TEX11: variants seen among roughly 807,000 people sequenced by gnomAD.
The protein encoded by TEX11 is testis-expressed protein 11.
Under a neutral mutation model 84.4 loss-of-function variants are expected in TEX11, and 7 were observed. The observed-to-expected ratio is 0.08, with a 90% CI of 0.05 to 0.16. TEX11 has a LOEUF of 0.16. Among genes scored for constraint, TEX11 ranks in the 10% least tolerant of loss-of-function variants. The probability of loss-of-function intolerance (pLI) is 1.00; values close to 1 mark genes in which losing one functional copy is unlikely to be tolerated. For missense variants in TEX11, 551 were observed against 660.5 expected (o/e 0.83, Z 1.82); for synonymous variants, 264 against 222.8 (o/e 1.18, Z -1.64).
chrX:70,684,160 A>G (rs753015059), intron 13 of TEX11, among the ~76,000 whole-genome samples: 2 of 112,693 alleles, frequency 1.8e-5, no homozygotes, highest in African/African-American at 3.2e-5. Context: ...AACTCTAAGA[A>G]CTAATAAATT....
intron 13 of TEX11, among the ~76,000 whole-genome samples, chrX:70,712,175 C>A (rs2090442627): frequency 9.0e-6 from 1 of 111,456 alleles, no homozygotes; most frequent in South Asian, 3.8e-4. Flanking sequence ...CAGTACTATG[C>A]TGTTTTGGTT....
At chrX:70,565,564 G>T (rs7892546) in intron 25 of TEX11, among the ~76,000 whole-genome samples, 9,175 of 110,646 alleles carry the variant, frequency 0.083, 903 homozygotes, top group African/African-American at 0.27. Context: ...TTAATCCATC[G>T]TGAATTGATT....
chrX:70,517,130 T>C, the TEX11 span, among the ~76,000 whole-genome samples: 1 of 111,582 alleles, frequency 9.0e-6, no homozygotes, highest in Non-Finnish European at 1.9e-5. Context: ...TCTTCCCTGA[T>C]TGCCCTGGCC....
intron 7 of TEX11, among the ~76,000 whole-genome samples, chrX:70,840,487 C>T (rs1175418622): frequency 8.9e-6 from 1 of 111,852 alleles, no homozygotes; most frequent in Admixed American, 9.5e-5. Context: ...AAGCGCTAAA[C>T]ATGGAAAGGA....
intron 13 of TEX11, among the ~76,000 whole-genome samples, chrX:70,708,811 G>A (rs1019364859): frequency 2.7e-5 from 3 of 110,027 alleles, no homozygotes; most frequent in African/African-American, 9.9e-5. Flanking sequence ...GAGAGGTGAA[G>A]GGCATGTGGG....
chrX:70,871,889 T>C (rs768403253), intron 4 of TEX11, among the ~76,000 whole-genome samples: 149 of 103,898 alleles, frequency 1.4e-3, no homozygotes, highest in African/African-American at 5.0e-3. Context: ...GCACCCCCCC[T>C]TTTTTTTAAC....
the TEX11 span, among the ~76,000 whole-genome samples, chrX:70,516,578 T>G: frequency 1.8e-5 from 2 of 111,864 alleles, no homozygotes; most frequent in Non-Finnish European, 3.8e-5. Context: ...TTGTTCTTTT[T>G]GCTTAGGATT....
intron 16 of TEX11, among the ~76,000 whole-genome samples, chrX:70,669,648 C>T (rs1230173254): frequency 8.9e-6 from 1 of 112,569 alleles, no homozygotes; most frequent in African/African-American, 3.2e-5. Flanking sequence ...TCAAAGAAAA[C>T]ATCTGGAATC....
At chrX:70,640,629 A>C (rs901058679) in intron 17 of TEX11, among the ~76,000 whole-genome samples, 1 of 109,255 alleles carries the variant, frequency 9.2e-6, no homozygotes, top group Non-Finnish European at 1.9e-5. Context: ...ATTCTTAAAG[A>C]AAAGAATTTT....
In TEX11 at chrX:70,725,256, T is replaced by C. The variant is rs2090590917; in HGVS notation, c.925+6A>G. 1.7e-6 allele frequency: 2 copies of C among 1,165,681 alleles called. No homozygotes were observed. Among genetic ancestry groups the C allele is most frequent in the Non-Finnish European group, 2.3e-6 (2 of 860,685 alleles). On this transcript the variant is annotated splice_donor_region_variant and intron_variant, in intron 12 of 29. Transcript: ENST00000374333. ...ATGGTGTGCTCTTCACATACAGAGA[T>C]CATACCTTCAAGGAGTTCTTCATTA...
chrX:70,666,981 A>G (rs1331128202), intron 16 of TEX11, among the ~76,000 whole-genome samples: 1 of 112,338 alleles, frequency 8.9e-6, no homozygotes, highest in Non-Finnish European at 1.9e-5. Flanking sequence ...ACTTATCAAT[A>G]TTTAATATAC....
chrX:70,720,541 A>T (rs1200076772), intron 13 of TEX11, among the ~76,000 whole-genome samples: 1 of 109,938 alleles, frequency 9.1e-6, no homozygotes, highest in Non-Finnish European at 1.9e-5. Flanking sequence ...TACTAAAAAA[A>T]AAAGAATATG....
intron 17 of TEX11, among the ~76,000 whole-genome samples, chrX:70,641,660 C>G (rs1275433854): frequency 3.6e-5 from 4 of 111,460 alleles, no homozygotes; most frequent in Non-Finnish European, 3.8e-5. Context: ...ACCTGCTCCT[C>G]AATGACTGCT....
At chrX:70,898,856 C>T (rs1009091770) in intron 2 of TEX11, among the ~76,000 whole-genome samples, 2 of 111,384 alleles carry the variant, frequency 1.8e-5, no homozygotes, top group Admixed American at 9.6e-5. Flanking sequence ...CCACCAGCCT[C>T]GGCCTCCCAA....
intron 24 of TEX11, among the ~76,000 whole-genome samples, chrX:70,594,472 T>C (rs1228179858): frequency 3.6e-5 from 4 of 111,284 alleles, no homozygotes; most frequent in Non-Finnish European, 7.5e-5. Context: ...TTTCTTCTTC[T>C]CTTGTTTTAA....
intron 3 of TEX11, among the ~76,000 whole-genome samples, chrX:70,876,711 AG>A (rs1163966801): frequency 2.7e-5 from 3 of 111,722 alleles, no homozygotes; most frequent in Non-Finnish European, 5.6e-5. Flanking sequence ...GCTTGAGCTC[AG>A]GATTTCAAGA....
chrX:70,521,976 A>G, the TEX11 span, among the ~76,000 whole-genome samples: 2 of 110,688 alleles, frequency 1.8e-5, no homozygotes, highest in African/African-American at 6.6e-5. Flanking sequence ...CTCCCACCTC[A>G]GCCTTTTGAG....
intron 16 of TEX11, 121 bp from the exon 17 acceptor site, chrX:70,651,673 T>A: frequency 4.6e-6 from 2 of 437,303 alleles, no homozygotes; most frequent in Non-Finnish European, 7.7e-6. Flanking sequence ...AATATATGAA[T>A]CTAAGAAAAA....
chrX:70,583,216 A>G (rs1338756949), intron 25 of TEX11, among the ~76,000 whole-genome samples: 1 of 111,291 alleles, frequency 9.0e-6, no homozygotes, highest in Non-Finnish European at 1.9e-5. Flanking sequence ...AATAATGTAC[A>G]TTGTACCTAT....
Sources: gnomAD v4.1 joint callset for allele counts (sites outside exome capture counted in the v4.1 genomes callset) on GRCh38, gnomAD v4.1.1 for gene constraint, MANE v1.5 for transcripts, NCBI Gene and HGNC (gene_info 2026-07-23, HGNC 2026-07-21) for gene names.